Variants in PDE2A observed in about 807,000 individuals in gnomAD.
PDE2A encodes the protein cGMP-dependent 3',5'-cyclic phosphodiesterase.
PDE2A carries 53 observed loss-of-function variants against 133.6 expected under a neutral mutation model. That is an observed-to-expected ratio of 0.40 (90% CI 0.32 to 0.50). The LOEUF is 0.50. PDE2A is among the 20% of genes least tolerant of loss of function. The pLI, the probability that PDE2A is intolerant of heterozygous loss-of-function variation, is 0.73. For missense variants in PDE2A, 796 were observed against 1,232.4 expected, an observed-to-expected ratio of 0.65 and a Z score of 5.30; for synonymous variants, 491 against 490.2, an observed-to-expected ratio of 1.00 and a Z score of -0.02.
chr11:72,577,700 C>T (rs1472508381), intron 30 of PDE2A, 106 bp from the exon 31 acceptor site: 13 of 766,792 alleles, frequency 1.7e-5, no homozygotes, highest in East Asian at 7.8e-5. Context: ...GGGCCAGGTA[C>T]GGTAGCTCAC....
chr11:72,622,715 G>A (rs530358255), intron 2 of PDE2A, among the ~76,000 whole-genome samples: 4 of 152,288 alleles, frequency 2.6e-5, no homozygotes, highest in South Asian at 2.1e-4. Flanking sequence ...GGGGGCTGTC[G>A]TTTAATAGGT....
At chr11:72,639,608 G>A (rs1224942696) in intron 2 of PDE2A, among the ~76,000 whole-genome samples, 1 of 152,064 alleles carries the variant, frequency 6.6e-6, no homozygotes, top group Non-Finnish European at 1.5e-5. Flanking sequence ...TTGCTGCCAC[G>A]TGCATCCTCT....
intron 3 of PDE2A, among the ~76,000 whole-genome samples, chr11:72,607,724 G>A (rs1857034323): frequency 6.6e-6 from 1 of 152,166 alleles, no homozygotes; most frequent in Admixed American, 6.5e-5. Flanking sequence ...ATGGGCTCTG[G>A]AGGGATGGGA....
chr11:72,608,687 GC>G lies in PDE2A; in HGVS notation c.208del (p.Ala70ProfsTer81). 1.3e-6 allele frequency: 2 copies of G among 1,572,886 alleles called. No homozygotes were observed. Among genetic ancestry groups the G allele is most frequent in the Non-Finnish European group, 1.7e-6 (2 of 1,157,520 alleles). On this transcript the variant is annotated frameshift_variant, in exon 3 of 31. Transcript: ENST00000334456. LOFTEE classifies it high-confidence loss of function. ...ISGLQRAVKE[A>X]LSAVLPRVET... Reference sequence around the variant, plus strand: ...CACTCGGGGGAGCACAGCTGACAGGGCCTCCTTGACAGCACGTTGCAGGCCT... The same window carrying G: ...CACTCGGGGGAGCACAGCTGACAGGGCTCCTTGACAGCACGTTGCAGGCCT...
intron 1 of PDE2A, among the ~76,000 whole-genome samples, chr11:72,652,046 G>A (rs1565192773): frequency 6.6e-6 from 1 of 152,222 alleles, no homozygotes; most frequent in Non-Finnish European, 1.5e-5. Flanking sequence ...GGTGGCCTTG[G>A]TGGGCAGGCC....
intron 4 of PDE2A, among the ~76,000 whole-genome samples, chr11:72,603,817 T>A (rs1008237602): frequency 6.6e-6 from 1 of 151,892 alleles, no homozygotes; most frequent in Non-Finnish European, 1.5e-5. Context: ...AGTGGGAGAA[T>A]AGGAAATGGG....
intron 1 of PDE2A, among the ~76,000 whole-genome samples, chr11:72,671,633 G>T (rs2135469078): frequency 6.6e-6 from 1 of 152,256 alleles, no homozygotes; most frequent in South Asian, 2.1e-4. Flanking sequence ...GGGTGGGGGT[G>T]CAGGGAGCAT....
intron 2 of PDE2A, among the ~76,000 whole-genome samples, chr11:72,609,570 G>A (rs888999599): frequency 2.6e-4 from 39 of 152,186 alleles, no homozygotes; most frequent in African/African-American, 8.7e-4. Context: ...AACAGAACTC[G>A]TCCTTGCAGA....
intron 6 of PDE2A, among the ~76,000 whole-genome samples, chr11:72,592,177 G>A (rs977112613): frequency 2.6e-5 from 4 of 152,176 alleles, no homozygotes; most frequent in Non-Finnish European, 5.9e-5. Context: ...AATGAGAGAC[G>A]GTGGGGAGGG....
chr11:72,650,168 C>G (rs934172156), intron 1 of PDE2A, among the ~76,000 whole-genome samples: 1 of 151,988 alleles, frequency 6.6e-6, no homozygotes, highest in African/African-American at 2.4e-5. Context: ...ATTACAGGCG[C>G]CTGCCATTAC....
In PDE2A at chr11:72,652,153, G is replaced by A. The variant is rs533788227; in HGVS notation, c.72-9827C>T. On this transcript the variant is annotated intron_variant, in intron 1 of 30. Coordinates refer to ENST00000334456, the MANE Select transcript of PDE2A (RefSeq NM_002599.5). ...TGAGAATAAGCAAGGGGACCCCAAT[G>A]TAGCTCCCTACCCAGCAGCCCCAAA... is the stretch of plus-strand genomic sequence containing the variant. Among the ~76,000 whole-genome samples, 3 of 152,328 alleles carry A rather than the reference G, an allele frequency of 2.0e-5. No homozygotes were observed. In the East Asian group the frequency reaches 5.8e-4, roughly 29 times the overall value.
rs1042851302 is a variant in PDE2A at position 72,672,647 on chromosome 11, G to A, written c.71+1490C>T. Among the ~76,000 whole-genome samples the A allele has an allele frequency of 4.0e-5, 6 of 151,832 alleles. No individual in the cohort carries two copies. In the East Asian group the frequency reaches 7.7e-4, roughly 20 times the overall value. ...CCCCACTCTATACAGTGTCTTCACT[G>A]CTCCAGGACATGCCCAGCCCAGGGC... On this transcript the variant is annotated intron_variant, in intron 1 of 30. Transcript: ENST00000334456.
intron 11 of PDE2A, among the ~76,000 whole-genome samples, chr11:72,589,520 G>T (rs779827042): frequency 6.6e-6 from 1 of 152,190 alleles, no homozygotes; most frequent in Non-Finnish European, 1.5e-5. Flanking sequence ...CAACAGAAGT[G>T]AACAGGTCCC....
At chr11:72,636,935 T>C (rs1192654459) in intron 2 of PDE2A, among the ~76,000 whole-genome samples, 1 of 152,196 alleles carries the variant, frequency 6.6e-6, no homozygotes, top group East Asian at 1.9e-4. Flanking sequence ...GGCTTACAAG[T>C]CCTGCACCAT....
chr11:72,580,757 G>A (rs1401559245), intron 24 of PDE2A, 129 bp downstream of exon 24: 2 of 955,844 alleles, frequency 2.1e-6, no homozygotes, highest in East Asian at 5.1e-5. Flanking sequence ...CAAACCCTGG[G>A]GGAACCTCCT....
chr11:72,652,932 GCCT>G (rs764144113), intron 1 of PDE2A, among the ~76,000 whole-genome samples: 2 of 152,202 alleles, frequency 1.3e-5, no homozygotes, highest in Non-Finnish European at 2.9e-5. Flanking sequence ...CTCCTCTCTT[GCCT>G]CCTCAAGTTG....
chr11:72,673,779 C>CCGAGAGCT, intron 1 of PDE2A, among the ~76,000 whole-genome samples: 1 of 152,062 alleles, frequency 6.6e-6, no homozygotes, highest in South Asian at 2.1e-4. Flanking sequence ...TATTGCAGCC[C>CCGAGAGCT]CGAGAGCTCC....
In PDE2A at chr11:72,594,310, T is replaced by C. The variant is rs115821467; in HGVS notation, c.489+2283A>G. 5.1e-3 allele frequency among the ~76,000 whole-genome samples: 781 copies of C among 152,362 alleles called. 4 individuals are homozygous for C. The highest frequency in any genetic ancestry group is 0.018 in the African/African-American group (745 of 41,574). ...CTTCCCAAAAGATCAACCGACCCTG[T>C]GGCTCTCCATCTTCCTTCTGCACCC... is the stretch of plus-strand genomic sequence containing the variant. On this transcript the variant is annotated intron_variant, in intron 6 of 30. Transcript: ENST00000334456.
chr11:72,577,715 G>C, intron 30 of PDE2A, 121 bp from the exon 31 acceptor site: 1 of 707,146 alleles, frequency 1.4e-6, no homozygotes, highest in Non-Finnish European at 2.5e-6. Context: ...GCTCACGCCT[G>C]TAATCCCAAC....
Sources: gnomAD v4.1 joint callset for allele counts (sites outside exome capture counted in the v4.1 genomes callset) on GRCh38, gnomAD v4.1.1 for gene constraint, MANE v1.5 for transcripts, NCBI Gene and HGNC (gene_info 2026-07-23, HGNC 2026-07-21) for gene names.